EPHA3: variants seen among roughly 807,000 people sequenced by gnomAD.
EPHA3 encodes the protein EPH receptor A3, also known as ephrin type-A receptor 3.
In EPHA3, 42 loss-of-function variants were observed where a neutral mutation model predicts 107.1. The observed-to-expected ratio is 0.39, with a 90% CI of 0.31 to 0.51. The LOEUF (loss-of-function observed/expected upper bound fraction) is 0.51. EPHA3 is among the 20% of genes least tolerant of loss of function. The pLI, the probability that EPHA3 is intolerant of heterozygous loss-of-function variation, is 0.78. For synonymous variants in EPHA3, 461 were observed against 424.8 expected (o/e 1.09, Z -1.05); for missense variants, 1,183 against 1,211.2 (o/e 0.98, Z 0.35).
chr3:89,345,431 G>T lies in EPHA3; in HGVS notation c.1306+3341G>T, dbSNP rs577045229. On this transcript the variant is annotated intron_variant, in intron 5 of 16. Transcript: ENST00000336596. The stretch of plus-strand genomic sequence containing the variant: ...ATTCATTCACATGTGTGAAAATATT[G>T]CAATAGTGTGCATTATGCCTATATA... 3.3e-5 allele frequency among the ~76,000 whole-genome samples: 5 copies of T among 150,958 alleles called. 1 individual carries two copies. Among genetic ancestry groups the T allele is most frequent in the Non-Finnish European group, 7.4e-5 (5 of 67,476 alleles).
At chr3:89,363,670 T>TGGTGTGTGTGCGTGTGTG (rs1708138091) in intron 5 of EPHA3, among the ~76,000 whole-genome samples, 1 of 150,044 alleles carries the variant, frequency 6.7e-6, no homozygotes, top group South Asian at 2.1e-4. Context: ...TCATAGTCAG[T>TGGTGTGTGTGCGTGTGTG]GGTGTGTGTG....
At chr3:89,362,169 A>G (rs1708106858) in intron 5 of EPHA3, among the ~76,000 whole-genome samples, 1 of 151,060 alleles carries the variant, frequency 6.6e-6, no homozygotes, top group South Asian at 2.1e-4. Context: ...TTCAAGCGCA[A>G]GTAGCTGCTA....
chr3:89,278,147 C>T (rs1705855426), intron 3 of EPHA3, among the ~76,000 whole-genome samples: 1 of 152,118 alleles, frequency 6.6e-6, no homozygotes, highest in Admixed American at 6.6e-5. Context: ...AGAAGTTTTA[C>T]CCCAAAGGCT....
chr3:89,173,089 A>C (rs1188452812), intron 2 of EPHA3, among the ~76,000 whole-genome samples: 6 of 152,154 alleles, frequency 3.9e-5, no homozygotes, highest in Non-Finnish European at 4.4e-5. Flanking sequence ...ATAGATATAC[A>C]TATAAATGTA....
Position 89,431,357 on chromosome 3 carries a change from A to C in EPHA3, c.2344A>C (p.Arg782=), listed in dbSNP as rs1709566030. ...EDDPEAAYTT[R]GGKIPIRWTS... is the part of the protein sequence containing the mutation. ...TGACCCAGAAGCTGCTTATACAACA[A>C]GAGTGAGTAACTTAGATTTTCTCCT... The change falls in exon 13 of 17, where the codon AGA becomes CGA. Residue 782 remains arginine (R), a splice_region_variant and synonymous_variant. Transcript: ENST00000336596. The C allele has an allele frequency of 1.9e-6, 3 of 1,611,668 alleles. No homozygotes were observed. In the East Asian group the frequency reaches 6.7e-5, roughly 36 times the overall value.
At chr3:89,226,173 C>G (rs1201815605) in intron 3 of EPHA3, among the ~76,000 whole-genome samples, 1 of 152,118 alleles carries the variant, frequency 6.6e-6, no homozygotes, top group Admixed American at 6.6e-5. Flanking sequence ...TAGCTTGGCT[C>G]TATCCCTTAT....
At chr3:89,326,742 T>C (rs1043830346) in intron 3 of EPHA3, among the ~76,000 whole-genome samples, 1 of 151,992 alleles carries the variant, frequency 6.6e-6, no homozygotes, top group East Asian at 1.9e-4. Context: ...ATTGAATCCA[T>C]AGATGCAGAA....
chr3:89,450,206 A>C lies in EPHA3; in HGVS notation c.2526A>C (p.Arg842=), dbSNP rs1247248984. 6.2e-7 allele frequency: 1 copy of C among 1,608,456 alleles called. No individual in the cohort carries two copies. Among genetic ancestry groups the C allele is most frequent in the South Asian group, 1.1e-5 (1 of 89,750 alleles). ...DVIKAVDEGY[R]LPPPMDCPAA... ...TTAAAGCTGTAGATGAGGGCTATCG[A>C]CTGCCACCCCCCATGGACTGCCCAG... Residue 842 remains arginine (R), a synonymous_variant, in exon 15 of 17, where the codon CGA becomes CGC. Coordinates refer to ENST00000336596, the MANE Select transcript of EPHA3 (RefSeq NM_005233.6).
intron 2 of EPHA3, among the ~76,000 whole-genome samples, chr3:89,152,133 A>G (rs1462959197): frequency 6.6e-6 from 1 of 152,072 alleles, no homozygotes; most frequent in Non-Finnish European, 1.5e-5. Context: ...TTTTCTGTGG[A>G]TCACGAAGGT....
chr3:89,330,148 A>G (rs886261110), intron 3 of EPHA3, among the ~76,000 whole-genome samples: 41 of 152,060 alleles, frequency 2.7e-4, no homozygotes, highest in African/African-American at 8.9e-4. Context: ...ATCCATTCTT[A>G]TCTATTTAGG....
intron 13 of EPHA3, among the ~76,000 whole-genome samples, chr3:89,442,240 C>G (rs1322849015): frequency 6.6e-6 from 1 of 151,842 alleles, no homozygotes; most frequent in Non-Finnish European, 1.5e-5. Flanking sequence ...ATCATCAAAA[C>G]CCAAGTATTA....
intron 5 of EPHA3, among the ~76,000 whole-genome samples, chr3:89,363,846 TC>T (rs1708141031): frequency 6.6e-6 from 1 of 150,876 alleles, no homozygotes; most frequent in African/African-American, 2.4e-5. Flanking sequence ...GGATCTTCAT[TC>T]TTCCTTGAGA....
intron 2 of EPHA3, among the ~76,000 whole-genome samples, chr3:89,190,106 C>T (rs546882858): frequency 5.3e-5 from 8 of 152,256 alleles, no homozygotes; most frequent in African/African-American, 1.9e-4. Context: ...GACTACTTTA[C>T]CTAAAAGCTG....
chr3:89,229,400 A>G (rs1339122264), intron 3 of EPHA3, among the ~76,000 whole-genome samples: 1 of 151,998 alleles, frequency 6.6e-6, no homozygotes, highest in South Asian at 2.1e-4. Context: ...TTGCATTTAT[A>G]ACAATGAAAA....
At chr3:89,147,454 A>C (rs1704587865) in intron 2 of EPHA3, among the ~76,000 whole-genome samples, 1 of 151,960 alleles carries the variant, frequency 6.6e-6, no homozygotes, top group Non-Finnish European at 1.5e-5. Context: ...CTATCCATAT[A>C]ATTGTGAAGA....
intron 5 of EPHA3, among the ~76,000 whole-genome samples, chr3:89,393,789 T>A (rs1326046835): frequency 2.8e-4 from 42 of 151,142 alleles, no homozygotes; most frequent in Non-Finnish European, 4.0e-4. Context: ...AAATTTTTTT[T>A]TAAAAAATCC....
intron 3 of EPHA3, among the ~76,000 whole-genome samples, chr3:89,246,450 A>G (rs1480268307): frequency 6.6e-6 from 1 of 151,168 alleles, no homozygotes; most frequent in African/African-American, 2.5e-5. Context: ...GGGTCTCACA[A>G]CACTTTAACA....
At chr3:89,332,740 T>C (rs188194017) in intron 3 of EPHA3, among the ~76,000 whole-genome samples, 1 of 152,316 alleles carries the variant, frequency 6.6e-6, no homozygotes, top group East Asian at 1.9e-4. Flanking sequence ...TAGTCAGTGC[T>C]GGTTCTAGTC....
intron 3 of EPHA3, among the ~76,000 whole-genome samples, chr3:89,238,519 C>T (rs768651757): frequency 1.3e-5 from 2 of 152,188 alleles, no homozygotes; most frequent in Non-Finnish European, 2.9e-5. Flanking sequence ...CATGAAGAAA[C>T]TATTCTTCTT....
Sources: gnomAD v4.1 joint callset for allele counts (sites outside exome capture counted in the v4.1 genomes callset) on GRCh38, gnomAD v4.1.1 for gene constraint, MANE v1.5 for transcripts, NCBI Gene and HGNC (gene_info 2026-07-23, HGNC 2026-07-21) for gene names.